SYN2: variants seen among roughly 807,000 people sequenced by gnomAD.
SYN2 encodes synapsin II, also known as synapsin-2.
SYN2 carries 19 observed loss-of-function variants against 50.9 expected under a neutral mutation model. The observed-to-expected ratio is 0.37, with a 90% CI of 0.26 to 0.55. The LOEUF (loss-of-function observed/expected upper bound fraction) is 0.55, where lower values mean the gene tolerates loss of function less well. SYN2 is among the 20% of genes least tolerant of loss of function. SYN2 has a pLI of 0.81. For synonymous variants in SYN2, 255 were observed against 224.9 expected (o/e 1.13, Z -1.20); for missense variants, 587 against 576.4 (o/e 1.02, Z -0.19).
chr3:12,009,022 G>A (rs956481559), intron 1 of SYN2, among the ~76,000 whole-genome samples: 7 of 141,868 alleles, frequency 4.9e-5, no homozygotes, highest in African/African-American at 1.9e-4. Flanking sequence ...ACCAGTGCTT[G>A]TGAGTGGCTC....
intron 5 of SYN2, chr3:12,153,503 C>A: frequency 1.2e-6 from 2 of 1,612,682 alleles, no homozygotes; most frequent in South Asian, 2.2e-5. Context: ...ATGTGATGGT[C>A]ACTGGTCCCT....
rs1697899396 is a variant in SYN2, at chr3:12,169,861, T to G, written c.1263T>G (p.Thr421=). Residue 421 remains threonine, a synonymous_variant, in exon 10 of 13, where the codon ACT becomes ACG. Transcript: ENST00000621198. The stretch of plus-strand genomic sequence containing the variant: ...AGATGAACCAGCTGCTGTCCAGGAC[T>G]CCTGCCCTGTCTCCTCAGAGACCCC... The part of the protein sequence containing the change: ...ISKMNQLLSR[T]PALSPQRPLT... 1.2e-6 allele frequency: 2 copies of G among 1,613,188 alleles called. No homozygotes were observed. Among genetic ancestry groups the G allele is most frequent in the Non-Finnish European group, 1.7e-6 (2 of 1,179,538 alleles).
At chr3:12,092,252 T>G (rs759250059) in intron 1 of SYN2, among the ~76,000 whole-genome samples, 1 of 152,216 alleles carries the variant, frequency 6.6e-6, no homozygotes, top group Non-Finnish European at 1.5e-5. Context: ...GTTCAAACTT[T>G]CCTCGCTATA....
At chr3:12,188,506 G>A (rs776412796) in intron 12 of SYN2, among the ~76,000 whole-genome samples, 2 of 152,222 alleles carry the variant, frequency 1.3e-5, no homozygotes, top group Non-Finnish European at 2.9e-5. Context: ...GGCAACAAAT[G>A]ACTCTTCAGG....
intron 1 of SYN2, among the ~76,000 whole-genome samples, chr3:12,135,908 G>C (rs1375028195): frequency 6.6e-6 from 1 of 152,196 alleles, no homozygotes; most frequent in African/African-American, 2.4e-5. Context: ...TACAGGCCTA[G>C]AGCATATAAT....
chr3:12,142,055 C>T, intron 3 of SYN2, 59 bp downstream of exon 3: 1 of 773,178 alleles, frequency 1.3e-6, no homozygotes, highest in South Asian at 1.4e-5. Context: ...CTACCTCTGG[C>T]CCAAAGAGGT....
chr3:12,144,058 ACT>A (rs529817779), intron 3 of SYN2, among the ~76,000 whole-genome samples: 296 of 152,148 alleles, frequency 1.9e-3, no homozygotes, highest in Non-Finnish European at 3.4e-3. Flanking sequence ...ATATCATATG[ACT>A]CTGCTGAGGC....
chr3:12,051,128 C>T (rs966143745), intron 1 of SYN2, among the ~76,000 whole-genome samples: 1 of 152,104 alleles, frequency 6.6e-6, no homozygotes, highest in Non-Finnish European at 1.5e-5. Context: ...TTAGAAAATT[C>T]TGGATAAGAA....
intron 5 of SYN2, chr3:12,156,887 C>T (rs373683527): frequency 4.1e-5 from 66 of 1,613,984 alleles, no homozygotes; most frequent in East Asian, 6.7e-5. Flanking sequence ...AGTCAAAAGG[C>T]GTATAGATAT....
At chr3:12,158,684 C>T (rs376200377) in intron 5 of SYN2, 38 of 1,609,108 alleles carry the variant, frequency 2.4e-5, no homozygotes, top group Middle Eastern at 1.6e-4. Flanking sequence ...CTGTGGACCT[C>T]GCGGACCTCG....
Position 12,033,719 on chromosome 3 carries a change from G to A in SYN2, c.377+28791G>A, listed in dbSNP as rs557884842. Among the ~76,000 whole-genome samples, 5 of 152,162 alleles carry A rather than the reference G, an allele frequency of 3.3e-5. No homozygotes were observed. In the South Asian group the frequency reaches 6.2e-4, roughly 19 times the overall value. On this transcript the variant is annotated intron_variant, in intron 1 of 12. Coordinates refer to ENST00000621198, the MANE Select transcript of SYN2 (RefSeq NM_133625.6). ...AACCACTAATTTACCTTCTGTTTCC[G>A]TGGACTTGCTTATTATAAGCATTTC...
intron 1 of SYN2, among the ~76,000 whole-genome samples, chr3:12,084,682 G>A (rs1244240966): frequency 2.0e-5 from 3 of 152,114 alleles, no homozygotes; most frequent in Non-Finnish European, 2.9e-5. Flanking sequence ...TATGAAGGTT[G>A]AAATATTATA....
chr3:12,136,102 T>C (rs545427380), intron 1 of SYN2, among the ~76,000 whole-genome samples: 1 of 152,316 alleles, frequency 6.6e-6, no homozygotes, highest in Admixed American at 6.5e-5. Flanking sequence ...GATGATGCTG[T>C]GAGCCAAATA....
intron 3 of SYN2, among the ~76,000 whole-genome samples, chr3:12,143,134 G>A (rs1697061542): frequency 6.6e-6 from 1 of 152,176 alleles, no homozygotes; most frequent in South Asian, 2.1e-4. Context: ...GGGTACCAGG[G>A]TAGGAACTCA....
At chr3:12,096,002 T>G (rs760832966) in intron 1 of SYN2, among the ~76,000 whole-genome samples, 5 of 152,170 alleles carry the variant, frequency 3.3e-5, no homozygotes, top group Non-Finnish European at 5.9e-5. Flanking sequence ...TTCCCAGCAC[T>G]TCCTTTCCAT....
At chr3:12,019,010 C>T (rs1694075702) in intron 1 of SYN2, among the ~76,000 whole-genome samples, 1 of 152,090 alleles carries the variant, frequency 6.6e-6, no homozygotes, top group African/African-American at 2.4e-5. Flanking sequence ...ATTTTGTTTT[C>T]TTACTTTTTG....
At chr3:12,055,594 T>C (rs547554003) in intron 1 of SYN2, among the ~76,000 whole-genome samples, 2 of 152,342 alleles carry the variant, frequency 1.3e-5, no homozygotes, top group South Asian at 4.1e-4. Context: ...TTTTAGAACA[T>C]GAACATGGTA....
At chr3:12,014,036 A>C (rs1693970205) in intron 1 of SYN2, among the ~76,000 whole-genome samples, 3 of 151,844 alleles carry the variant, frequency 2.0e-5, no homozygotes, top group African/African-American at 7.3e-5. Context: ...CTCTTCTCTA[A>C]CTCTCTAGAT....
intron 1 of SYN2, among the ~76,000 whole-genome samples, chr3:12,032,361 G>T (rs1360832555): frequency 6.6e-4 from 20 of 30,422 alleles, no homozygotes; most frequent in African/African-American, 2.0e-3. Context: ...TATGTGTCTT[G>T]GAGTTGCTCT....
Sources: allele counts gnomAD v4.1 joint callset (sites outside exome capture counted in the v4.1 genomes callset), GRCh38; gene constraint gnomAD v4.1.1; transcripts MANE v1.5; gene names NCBI Gene and HGNC (gene_info 2026-07-23, HGNC 2026-07-21).